Variants in FCER1A observed in about 807,000 individuals in gnomAD.
FCER1A encodes Fc epsilon receptor Ia.
In FCER1A, 24 loss-of-function variants were observed where a neutral mutation model predicts 23.6. The observed-to-expected ratio is 1.02, with a 90% CI of 0.74 to 1.43. FCER1A has a LOEUF of 1.43. FCER1A is among the 40% of genes most tolerant of loss of function. The probability of loss-of-function intolerance (pLI) is 0.00; values close to 1 mark genes in which losing one functional copy is unlikely to be tolerated. For synonymous variants in FCER1A, 121 were observed against 108.8 expected (o/e 1.11, Z -0.70); for missense variants, 318 against 294.5 (o/e 1.08, Z -0.58).
rs759417968 is a variant in FCER1A at position 159,306,028 on chromosome 1, G to T, written c.372G>T (p.Glu124Asp). Reference sequence around the variant, plus strand: ...AGGCCTCTGCTGAGGTGGTGATGGAGGGCCAGCCCCTCTTCCTCAGGTGCC... The same window carrying T: ...AGGCCTCTGCTGAGGTGGTGATGGATGGCCAGCCCCTCTTCCTCAGGTGCC... The part of the protein sequence containing the change: ...LLQASAEVVM[E>D]GQPLFLRCHG... The change falls in exon 4 of 5, where the codon GAG (glutamate) becomes GAT (aspartate). Residue 124 changes from glutamate to aspartate, a missense_variant. Glu to Asp is a conservative substitution (Grantham distance 45). Transcript: ENST00000693622. The T allele has an allele frequency of 2.5e-6, 4 of 1,613,816 alleles. No individual in the cohort carries two copies. The highest frequency in any genetic ancestry group is 3.4e-6 in the Non-Finnish European group (4 of 1,179,926).
At chr1:159,285,910 C>T (rs1010660757), upstream of FCER1A, among the ~76,000 whole-genome samples, 3 of 152,130 alleles carry the variant, frequency 2.0e-5, no homozygotes, top group African/African-American at 7.2e-5. Flanking sequence ...TTAATCCAGG[C>T]ACTGTGGCTC....
Position 159,307,782 on chromosome 1 carries a change from C to A in FCER1A, c.624C>A (p.Ile208=), listed in dbSNP as rs553543242. Residue 208 remains isoleucine (I), a synonymous_variant, in exon 5 of 5, where the codon ATC becomes ATA. Coordinates refer to ENST00000693622, the MANE Select transcript of FCER1A (RefSeq NM_001387280.1). ...PREKYWLQFF[I]PLLVVILFAV... is the part of the protein sequence containing the mutation. ...AGAAGTACTGGCTACAATTTTTTAT[C>A]CCATTGTTGGTGGTGATTCTGTTTG... The A allele has an allele frequency of 3.8e-5, 61 of 1,611,284 alleles. No homozygotes were observed. In the South Asian group the frequency reaches 4.3e-4, roughly 11 times the overall value.
At chr1:159,288,204 C>T (rs1316976499), upstream of FCER1A, among the ~76,000 whole-genome samples, 1 of 152,142 alleles carries the variant, frequency 6.6e-6, no homozygotes, top group Admixed American at 6.5e-5. Flanking sequence ...TGAATACATT[C>T]ACATACTAAG....
upstream of FCER1A, among the ~76,000 whole-genome samples, chr1:159,287,897 C>G (rs1173463227): frequency 6.6e-6 from 1 of 151,676 alleles, no homozygotes; most frequent in Non-Finnish European, 1.5e-5. Context: ...TCATTTGCCT[C>G]TCTAATAAAT....
chr1:159,289,318 T>G (rs1476690796), upstream of FCER1A, among the ~76,000 whole-genome samples: 1 of 152,186 alleles, frequency 6.6e-6, no homozygotes, highest in African/African-American at 2.4e-5. Flanking sequence ...AGAAGCCACC[T>G]TAGGACCAAA....
At chr1:159,300,208 G>C (rs780387505), upstream of FCER1A, among the ~76,000 whole-genome samples, 1 of 152,154 alleles carries the variant, frequency 6.6e-6, no homozygotes, top group African/African-American at 2.4e-5. Flanking sequence ...ACTAGGAATA[G>C]TACCTCTCGA....
intron 1 of FCER1A, among the ~76,000 whole-genome samples, chr1:159,296,245 C>T (rs1040813285): frequency 6.6e-5 from 10 of 152,068 alleles, no homozygotes; most frequent in African/African-American, 2.2e-4. Context: ...GTTTAAGTTT[C>T]AGGGCCTCAA....
intron 1 of FCER1A, among the ~76,000 whole-genome samples, chr1:159,292,942 CG>C (rs1445496426): frequency 6.6e-6 from 1 of 151,756 alleles, no homozygotes; most frequent in Non-Finnish European, 1.5e-5. Flanking sequence ...ATGTGAATCT[CG>C]GTGCCACCTC....
At chr1:159,301,913 G>A (rs1410026794), upstream of FCER1A, among the ~76,000 whole-genome samples, 2 of 152,184 alleles carry the variant, frequency 1.3e-5, no homozygotes, top group African/African-American at 4.8e-5. Flanking sequence ...GTGATAGTAT[G>A]TACTTTATAG....
intron 1 of FCER1A, among the ~76,000 whole-genome samples, chr1:159,290,119 G>A (rs1447657058): frequency 6.6e-6 from 1 of 152,156 alleles, no homozygotes; most frequent in Admixed American, 6.5e-5. Context: ...ACAGCAAAAA[G>A]AATGACCTAT....
intron 1 of FCER1A, among the ~76,000 whole-genome samples, chr1:159,290,285 C>T (rs971371465): frequency 6.6e-6 from 1 of 152,098 alleles, no homozygotes; most frequent in Non-Finnish European, 1.5e-5. Context: ...CCTTTATGCC[C>T]ACCTAACTCA....
intron 1 of FCER1A, 152 bp from the exon 2 acceptor site, chr1:159,302,702 G>A: frequency 2.6e-6 from 2 of 760,794 alleles, no homozygotes; most frequent in Admixed American, 2.2e-5. Context: ...AGGAGAGAAA[G>A]AAGCTCTTTC....
chr1:159,307,345 T>G (rs540927204), intron 4 of FCER1A, among the ~76,000 whole-genome samples: 20 of 152,366 alleles, frequency 1.3e-4, no homozygotes, highest in African/African-American at 4.3e-4. Flanking sequence ...TTCTTCATTT[T>G]GCCTAACAGG....
upstream of FCER1A, among the ~76,000 whole-genome samples, chr1:159,302,102 GCTAGAC>G (rs145038112): frequency 2.3e-3 from 345 of 152,292 alleles, 2 homozygotes; most frequent in Non-Finnish European, 3.6e-3. Context: ...TTGTGATTGT[GCTAGAC>G]CTATGCCTCT....
rs1331987787 is a variant in FCER1A at position 159,302,385 on chromosome 1, C to T, written c.21C>T (p.Ser7=). ...AGAAGATGGCTCCTGCCATGGAATC[C>T]CCTACTCTACTGTGTGTAGCCTTAC... The part of the protein sequence containing the change: MAPAME[S]PTLLCVALLF... The change falls in exon 1 of 5, where the codon TCC becomes TCT. Residue 7 remains serine, a synonymous_variant. Coordinates refer to ENST00000693622, the MANE Select transcript of FCER1A (RefSeq NM_001387280.1). The T allele has an allele frequency of 6.2e-7, 1 of 1,611,380 alleles. No individual in the cohort carries two copies. The highest frequency in any genetic ancestry group is 1.3e-5 in the African/African-American group (1 of 74,950).
the FCER1A span, among the ~76,000 whole-genome samples, chr1:159,283,714 T>C: frequency 2.0e-5 from 3 of 152,202 alleles, no homozygotes; most frequent in Non-Finnish European, 2.9e-5. Context: ...ATTGTTGCTA[T>C]GTTCCTGAGG....
intron 1 of FCER1A, 111 bp from the exon 2 acceptor site, chr1:159,302,743 T>C (rs1242152587): frequency 2.1e-6 from 2 of 952,634 alleles, no homozygotes; most frequent in African/African-American, 3.2e-5. Context: ...GAAAAGACGG[T>C]TGGTCCTTAA....
At chr1:159,301,623 T>A (rs1440711445), upstream of FCER1A, among the ~76,000 whole-genome samples, 1 of 152,180 alleles carries the variant, frequency 6.6e-6, no homozygotes, top group Non-Finnish European at 1.5e-5. Flanking sequence ...CAGCGGATCA[T>A]CAGTGAATCA....
upstream of FCER1A, among the ~76,000 whole-genome samples, chr1:159,299,389 C>T (rs1287048193): frequency 6.6e-6 from 1 of 152,162 alleles, no homozygotes; most frequent in Non-Finnish European, 1.5e-5. Context: ...ATAGGCTGAG[C>T]CTTGATCCTC....
Sources: gnomAD v4.1 joint callset for allele counts (sites outside exome capture counted in the v4.1 genomes callset) on GRCh38, gnomAD v4.1.1 for gene constraint, MANE v1.5 for transcripts, NCBI Gene and HGNC (gene_info 2026-07-23, HGNC 2026-07-21) for gene names.